Variants in YAP1 observed in about 807,000 individuals in gnomAD.
YAP1 encodes the protein Yes1 associated transcriptional regulator, also known as transcriptional coactivator YAP1.
A neutral mutation model predicts 56.9 loss-of-function variants in YAP1; 5 were observed. That is an observed-to-expected ratio of 0.09 (90% confidence interval 0.05 to 0.18). The LOEUF is 0.18. Ranked by LOEUF, YAP1 falls within the 10% of genes least tolerant of loss-of-function variation. The pLI is 1.00. For synonymous variants in YAP1, 265 were observed against 248.1 expected (o/e 1.07, Z -0.64); for missense variants, 539 against 651.8 (o/e 0.83, Z 1.88).
At chr11:102,173,449 A>C (rs1947039573) in intron 3 of YAP1, among the ~76,000 whole-genome samples, 1 of 152,156 alleles carries the variant, frequency 6.6e-6, no homozygotes, top group Non-Finnish European at 1.5e-5. Flanking sequence ...CTTATATTTA[A>C]AGCTACTTCC....
intron 8 of YAP1, 88 bp from the exon 9 acceptor site, chr11:102,229,614 T>C (rs1272531758): frequency 2.8e-5 from 36 of 1,272,312 alleles, no homozygotes; most frequent in Non-Finnish European, 3.4e-5. Flanking sequence ...CGCTTTTCTT[T>C]CCCTGTGCAT....
chr11:102,191,129 G>A (rs1400698462), intron 4 of YAP1, among the ~76,000 whole-genome samples: 2 of 151,194 alleles, frequency 1.3e-5, no homozygotes, highest in Non-Finnish European at 2.9e-5. Context: ...GCCCAAGATC[G>A]CACCACTGCA....
At chr11:102,192,212 A>T (rs1386543805) in intron 4 of YAP1, among the ~76,000 whole-genome samples, 2 of 152,306 alleles carry the variant, frequency 1.3e-5, no homozygotes, top group East Asian at 3.9e-4. Context: ...ATACAGCTCT[A>T]ATCCCAGCAG....
intron 6 of YAP1, among the ~76,000 whole-genome samples, chr11:102,222,216 G>C (rs1182290094): frequency 2.0e-5 from 3 of 152,202 alleles, no homozygotes; most frequent in Non-Finnish European, 2.9e-5. Context: ...ACTTGGCTCA[G>C]AAAGCTGTGT....
At chr11:102,225,080 T>C (rs1950128585) in intron 7 of YAP1, among the ~76,000 whole-genome samples, 1 of 152,174 alleles carries the variant, frequency 6.6e-6, no homozygotes, top group Non-Finnish European at 1.5e-5. Flanking sequence ...GAGTGGCAGA[T>C]AATCAGTGTT....
chr11:102,201,437 G>A (rs528509888), intron 4 of YAP1, among the ~76,000 whole-genome samples: 1 of 152,262 alleles, frequency 6.6e-6, no homozygotes, highest in Admixed American at 6.5e-5. Flanking sequence ...GGGAAATAAA[G>A]CAAATCTCTG....
intron 2 of YAP1, among the ~76,000 whole-genome samples, chr11:102,120,107 G>T (rs1246688684): frequency 6.6e-6 from 1 of 152,202 alleles, no homozygotes. Context: ...TACAAGCCAT[G>T]AAAGGGACAT....
At position 102,200,637 on chromosome 11, in the gene YAP1, G is replaced by T. The variant is rs189469930; in HGVS notation, c.803-5256G>T. On this transcript the variant is annotated intron_variant, in intron 4 of 8. Coordinates refer to ENST00000282441, the MANE Select transcript of YAP1 (RefSeq NM_001130145.3). ...TTTTTATATTTTTAGTAGAGATAGG[G>T]TTTCACCATTTTGGTCAGGCTGGTC... Among the ~76,000 whole-genome samples, 4 of 152,058 alleles carry T rather than the reference G, an allele frequency of 2.6e-5. 1 individual carries two copies. In the South Asian group the frequency reaches 8.3e-4, roughly 32 times the overall value.
chr11:102,147,068 T>C (rs988292362), intron 2 of YAP1, among the ~76,000 whole-genome samples: 1 of 152,216 alleles, frequency 6.6e-6, no homozygotes, highest in East Asian at 1.9e-4. Flanking sequence ...GTTATCTCTA[T>C]TTTATTTTTG....
At chr11:102,229,580 G>C (rs1277981105) in intron 8 of YAP1, 122 bp from the exon 9 acceptor site, 5 of 783,968 alleles carry the variant, frequency 6.4e-6, no homozygotes, top group Non-Finnish European at 1.0e-5. Context: ...TAAATTCTAG[G>C]TATCAGTTTA....
intron 3 of YAP1, among the ~76,000 whole-genome samples, chr11:102,181,363 G>A (rs558462105): frequency 7.4e-4 from 112 of 151,602 alleles, no homozygotes; most frequent in African/African-American, 2.6e-3. Flanking sequence ...GGAGAATGGC[G>A]TGAACCCGGG....
chr11:102,227,287 C>T (rs889662107), intron 7 of YAP1, among the ~76,000 whole-genome samples, 182 bp from the exon 8 acceptor site: 1 of 152,206 alleles, frequency 6.6e-6, no homozygotes, highest in Non-Finnish European at 1.5e-5. Flanking sequence ...TTGTCTATTT[C>T]ACTTCATAGC....
At chr11:102,120,740 G>C (rs1046097700) in intron 2 of YAP1, among the ~76,000 whole-genome samples, 1 of 152,200 alleles carries the variant, frequency 6.6e-6, no homozygotes, top group Admixed American at 6.5e-5. Context: ...TGTTTAGAGA[G>C]TTGATACTTG....
intron 1 of YAP1, 47 bp from the exon 2 acceptor site, chr11:102,114,097 G>A (rs754820722): frequency 6.5e-7 from 1 of 1,549,728 alleles, no homozygotes. Context: ...AAGGGACTCA[G>A]TTGTGTTTTT....
intron 2 of YAP1, among the ~76,000 whole-genome samples, chr11:102,145,748 A>G (rs1251465639): frequency 6.6e-6 from 1 of 152,208 alleles, no homozygotes; most frequent in East Asian, 1.9e-4. Flanking sequence ...TTTTCATCTT[A>G]TGGACAGGAT....
intron 3 of YAP1, among the ~76,000 whole-genome samples, chr11:102,171,890 TA>T (rs953467560): frequency 1.4e-4 from 21 of 152,082 alleles, no homozygotes; most frequent in African/African-American, 4.6e-4. Context: ...TATATTACCA[TA>T]AAAAATGTTA....
At chr11:102,228,960 T>A (rs916690243) in intron 8 of YAP1, among the ~76,000 whole-genome samples, 6 of 152,314 alleles carry the variant, frequency 3.9e-5, no homozygotes, top group African/African-American at 1.4e-4. Context: ...AAATCATCCT[T>A]AGGAGCCACT....
chr11:102,155,199 A>C (rs1430603602), intron 2 of YAP1, among the ~76,000 whole-genome samples: 3 of 152,194 alleles, frequency 2.0e-5, no homozygotes, highest in Admixed American at 6.6e-5. Context: ...CAAAGTTTCA[A>C]AGTTACCTAA....
chr11:102,212,447 G>A (rs746896108), intron 6 of YAP1, among the ~76,000 whole-genome samples: 1 of 151,872 alleles, frequency 6.6e-6, no homozygotes, highest in Non-Finnish European at 1.5e-5. Flanking sequence ...GTAAAATTTT[G>A]AAAAAACTTT....
Sources: allele counts gnomAD v4.1 joint callset (sites outside exome capture counted in the v4.1 genomes callset), GRCh38; gene constraint gnomAD v4.1.1; transcripts MANE v1.5; gene names NCBI Gene and HGNC (gene_info 2026-07-23, HGNC 2026-07-21).